The following FBXO11 variants were observed in gnomAD, a reference collection of about 807,000 sequenced individuals.
FBXO11 encodes the protein F-box only protein 11.
In FBXO11, 13 loss-of-function variants were observed where a neutral mutation model predicts 117.0. The ratio of observed to expected loss-of-function variants is 0.11; its 90% CI spans 0.07 to 0.18. The LOEUF is 0.18. FBXO11 is among the 10% of genes least tolerant of loss of function. The pLI is 1.00. For synonymous variants in FBXO11, 490 were observed against 380.5 expected (o/e 1.29, Z -3.35); for missense variants, 767 against 1,164.4 (o/e 0.66, Z 4.97).
chr2:47,881,581 AAT>A (rs569437570), intron 1 of FBXO11, among the ~76,000 whole-genome samples: 83 of 152,292 alleles, frequency 5.5e-4, no homozygotes, highest in African/African-American at 2.0e-3. Flanking sequence ...TAAAGTGCTG[AAT>A]ATGTTTATAT....
intron 14 of FBXO11, 152 bp downstream of exon 14, chr2:47,820,210 A>G (rs1671285322): frequency 2.1e-6 from 1 of 472,990 alleles, no homozygotes; most frequent in Middle Eastern, 3.1e-4. Flanking sequence ...TGGCAGGGAG[A>G]AGAAGAACGT....
intron 5 of FBXO11, 86 bp downstream of exon 5, chr2:47,835,786 C>T: frequency 9.1e-7 from 1 of 1,094,336 alleles, no homozygotes; most frequent in Non-Finnish European, 1.3e-6. Flanking sequence ...GTGTGAGCCA[C>T]CACGCCCAGC....
chr2:47,888,904 G>C (rs543119121), intron 1 of FBXO11, among the ~76,000 whole-genome samples: 4 of 152,240 alleles, frequency 2.6e-5, no homozygotes, highest in Non-Finnish European at 5.9e-5. Context: ...AAAGTAATTT[G>C]ATTTGTTCTT....
chr2:47,905,540 G>A lies in FBXO11; in HGVS notation c.181C>T (p.Pro61Ser). 8.1e-7 allele frequency: 1 copy of A among 1,238,780 alleles called. No homozygotes were observed. 76.7% of individuals were successfully genotyped at this position (1,238,780 alleles called of 1,614,324 possible). The change falls in exon 1 of 23, where the codon CCA (proline) becomes TCA (serine). Residue 61 changes from proline (P) to serine (S), a missense_variant. This residue lies in a region of FBXO11 where 355 missense variants were observed against 299.8 expected (regional missense o/e 1.18). Transcript: ENST00000403359. ...TGAGGCAGCGGCGGAGGCGGCGGTG[G>A]CGGCGGCGGAGGCTGCTGCTGCTGC... ...QQQQQQPPPPPPPPPPLPQER... is the reference protein window; with the variant it reads ...QQQQQQPPPPSPPPPPLPQER...
intron 1 of FBXO11, among the ~76,000 whole-genome samples, chr2:47,840,041 T>A (rs1572822421): frequency 2.0e-5 from 3 of 152,132 alleles, no homozygotes; most frequent in African/African-American, 7.2e-5. Context: ...CCTCCTGGGT[T>A]CACGCCTTTC....
chr2:47,844,052 A>C (rs919249515), intron 1 of FBXO11, among the ~76,000 whole-genome samples: 1 of 152,046 alleles, frequency 6.6e-6, no homozygotes, highest in African/African-American at 2.4e-5. Flanking sequence ...AGATTTGCTT[A>C]TTCTTAACCA....
intron 21 of FBXO11, chr2:47,808,713 C>T (rs963980942): frequency 2.1e-5 from 7 of 335,632 alleles, no homozygotes; most frequent in South Asian, 7.6e-5. Context: ...TTTTTGGAGG[C>T]GTGAAGAGTC....
chr2:47,868,748 G>A (rs76653170), intron 1 of FBXO11, among the ~76,000 whole-genome samples: 8,297 of 152,182 alleles, frequency 0.055, 238 homozygotes, highest in Non-Finnish European at 0.068. Context: ...GCTGTTGAGC[G>A]TCCAATTTGG....
intron 10 of FBXO11, 41 bp downstream of exon 10, chr2:47,832,531 A>G (rs1572805841): frequency 1.8e-5 from 29 of 1,608,050 alleles, no homozygotes; most frequent in Non-Finnish European, 2.5e-5. Flanking sequence ...GCTTTTAAAC[A>G]TTTTCTAAAA....
At chr2:47,819,529 TA>T (rs1338010736) in intron 14 of FBXO11, among the ~76,000 whole-genome samples, 3 of 152,142 alleles carry the variant, frequency 2.0e-5, no homozygotes, top group Admixed American at 6.5e-5. Context: ...TCTTTTTATG[TA>T]GCCTCTACCT....
intron 1 of FBXO11, among the ~76,000 whole-genome samples, chr2:47,869,851 T>C (rs899525235): frequency 6.6e-6 from 1 of 152,202 alleles, no homozygotes; most frequent in Non-Finnish European, 1.5e-5. Context: ...AATTGTTTTA[T>C]TTTTAGTAGA....
At chr2:47,878,833 T>C (rs776822895) in intron 1 of FBXO11, among the ~76,000 whole-genome samples, 7 of 151,682 alleles carry the variant, frequency 4.6e-5, no homozygotes, top group Non-Finnish European at 1.0e-4. Context: ...ATACAGAAAT[T>C]AGCCTGGCGT....
chr2:47,829,191 G>A (rs1477518535), intron 11 of FBXO11, among the ~76,000 whole-genome samples: 1 of 151,380 alleles, frequency 6.6e-6, no homozygotes, highest in Non-Finnish European at 1.5e-5. Flanking sequence ...CACTGCACCC[G>A]GCCTCAAAAA....
At chr2:47,849,614 T>C (rs1053592522) in intron 1 of FBXO11, among the ~76,000 whole-genome samples, 111 of 152,334 alleles carry the variant, frequency 7.3e-4, no homozygotes, top group African/African-American at 2.2e-3. Context: ...TAATGCAGTG[T>C]GTCACATGCT....
At chr2:47,865,523 T>C (rs1282619209) in intron 1 of FBXO11, among the ~76,000 whole-genome samples, 2 of 152,210 alleles carry the variant, frequency 1.3e-5, no homozygotes, top group African/African-American at 2.4e-5. Flanking sequence ...AGGTCCCTAA[T>C]GTCATAGTGG....
At chr2:47,854,734 A>C (rs1391817297) in intron 1 of FBXO11, among the ~76,000 whole-genome samples, 1 of 152,170 alleles carries the variant, frequency 6.6e-6, no homozygotes, top group Non-Finnish European at 1.5e-5. Flanking sequence ...GAGAATTTGC[A>C]GTGCTAACAC....
At chr2:47,902,384 A>G (rs1445867816) in intron 1 of FBXO11, among the ~76,000 whole-genome samples, 2 of 152,216 alleles carry the variant, frequency 1.3e-5, no homozygotes, top group South Asian at 2.1e-4. Context: ...ACCCAGACCA[A>G]TATTTCCTTA....
intron 1 of FBXO11, among the ~76,000 whole-genome samples, chr2:47,904,423 C>G (rs1210314511): frequency 1.3e-5 from 2 of 152,202 alleles, no homozygotes; most frequent in African/African-American, 2.4e-5. Context: ...CCACATCATC[C>G]AAGTAGAACT....
intron 1 of FBXO11, among the ~76,000 whole-genome samples, chr2:47,882,498 T>C (rs1370949570): frequency 6.6e-6 from 1 of 152,220 alleles, no homozygotes; most frequent in Non-Finnish European, 1.5e-5. Context: ...TTTTCTTCTA[T>C]AGGGGTTTCA....
Sources: allele counts gnomAD v4.1 joint callset (sites outside exome capture counted in the v4.1 genomes callset), GRCh38; gene constraint gnomAD v4.1.1; regional missense constraint gnomAD v4.1.1; transcripts MANE v1.5; gene names NCBI Gene and HGNC (gene_info 2026-07-23, HGNC 2026-07-21).